The following CDH20 variants were observed in gnomAD, a reference collection of about 807,000 sequenced individuals.
CDH20 encodes cadherin 20.
In CDH20, 29 loss-of-function variants were observed where a neutral mutation model predicts 74.2. The observed-to-expected ratio is 0.39, with a 90% CI of 0.29 to 0.53. The LOEUF (loss-of-function observed/expected upper bound fraction) is 0.53. Ranked by LOEUF, CDH20 falls within the 20% of genes least tolerant of loss-of-function variation. The pLI is 0.69. For synonymous variants in CDH20, 469 were observed against 405.4 expected, an observed-to-expected ratio of 1.16 and a Z score of -1.88; for missense variants, 988 against 1,048.3, an observed-to-expected ratio of 0.94 and a Z score of 0.79.
intron 11 of CDH20, among the ~76,000 whole-genome samples, chr18:61,552,637 G>C (rs947953253): frequency 9.9e-5 from 15 of 152,140 alleles, no homozygotes; most frequent in Non-Finnish European, 2.2e-4. Context: ...CTCTCCCAGT[G>C]ACACTTGTGG....
chr18:61,454,171 T>C (rs1394815794), intron 1 of CDH20, among the ~76,000 whole-genome samples: 1 of 152,192 alleles, frequency 6.6e-6, no homozygotes, highest in Non-Finnish European at 1.5e-5. Context: ...TTTTCCACTG[T>C]TGAGTTTTGA....
chr18:61,351,021 C>T (rs1303272161), intron 1 of CDH20, among the ~76,000 whole-genome samples: 4 of 152,202 alleles, frequency 2.6e-5, no homozygotes, highest in African/African-American at 9.7e-5. Flanking sequence ...ACCTTTTCTT[C>T]ATCAGCAAGC....
intron 1 of CDH20, among the ~76,000 whole-genome samples, chr18:61,468,300 C>A (rs974945270): frequency 1.3e-5 from 2 of 152,126 alleles, no homozygotes; most frequent in African/African-American, 4.8e-5. Context: ...ATTCTCAAAT[C>A]CTTATTTCTC....
chr18:61,554,689 G>C lies in CDH20; in HGVS notation c.2400G>C (p.Leu800=). The C allele has an allele frequency of 6.4e-7, 1 of 1,564,574 alleles. No homozygotes were observed. Among genetic ancestry groups the C allele is most frequent in the Non-Finnish European group, 8.7e-7 (1 of 1,154,370 alleles). ...GGGCGTCGGAGGGACCCGCGCCGCT[G>C]TGGTGACGGAAGCCAGGAGGCAGGC... ...LYGASEGPAP[L]W The change falls in exon 12 of 12, where the codon CTG becomes CTC. Residue 800 remains leucine, a synonymous_variant. Coordinates refer to ENST00000262717, the MANE Select transcript of CDH20 (RefSeq NM_031891.4).
intron 3 of CDH20, among the ~76,000 whole-genome samples, 168 bp from the exon 4 acceptor site, chr18:61,500,215 A>G (rs1410042318): frequency 6.6e-6 from 1 of 151,240 alleles, no homozygotes; most frequent in Non-Finnish European, 1.5e-5. Flanking sequence ...AATAACTCTT[A>G]TCCCTACTAA....
chr18:61,398,104 A>T (rs1912043062), intron 1 of CDH20, among the ~76,000 whole-genome samples: 1 of 152,210 alleles, frequency 6.6e-6, no homozygotes, highest in South Asian at 2.1e-4. Flanking sequence ...GCTTTGTACC[A>T]ACTAACTACA....
At chr18:61,457,955 T>A (rs1909632957) in intron 1 of CDH20, among the ~76,000 whole-genome samples, 1 of 152,196 alleles carries the variant, frequency 6.6e-6, no homozygotes, top group Admixed American at 6.5e-5. Context: ...AATCAACTCC[T>A]TTTATGAGTA....
At chr18:61,533,341 C>T (rs1912714154) in intron 7 of CDH20, among the ~76,000 whole-genome samples, 1 of 152,046 alleles carries the variant, frequency 6.6e-6, no homozygotes, top group South Asian at 2.1e-4. Flanking sequence ...CTTATTTAAG[C>T]CTCAGTTTCC....
At chr18:61,426,705 T>C (rs913270026) in intron 1 of CDH20, among the ~76,000 whole-genome samples, 1 of 152,198 alleles carries the variant, frequency 6.6e-6, no homozygotes, top group Non-Finnish European at 1.5e-5. Flanking sequence ...AGCAGCATAT[T>C]GTGTGATTCA....
At chr18:61,552,476 T>C (rs975031506) in intron 11 of CDH20, among the ~76,000 whole-genome samples, 45 of 152,254 alleles carry the variant, frequency 3.0e-4, no homozygotes, top group African/African-American at 1.0e-3. Flanking sequence ...TAATTCTCCA[T>C]GACCATCAGA....
chr18:61,379,775 T>C (rs1911371312), intron 1 of CDH20, among the ~76,000 whole-genome samples: 1 of 152,208 alleles, frequency 6.6e-6, no homozygotes, highest in Non-Finnish European at 1.5e-5. Flanking sequence ...ATTTGCTGAC[T>C]GATCCAAGAG....
intron 1 of CDH20, among the ~76,000 whole-genome samples, chr18:61,411,116 C>T (rs990797323): frequency 3.3e-5 from 5 of 151,232 alleles, no homozygotes; most frequent in Admixed American, 6.6e-5. Flanking sequence ...AGGAGAATGG[C>T]GTGAACCGGA....
intron 6 of CDH20, among the ~76,000 whole-genome samples, chr18:61,508,749 G>C (rs562169964): frequency 8.5e-4 from 129 of 152,248 alleles, no homozygotes; most frequent in African/African-American, 3.0e-3. Flanking sequence ...CAATTCTCCT[G>C]CTTCAGCCTC....
chr18:61,478,604 G>C (rs1910476857), intron 1 of CDH20, among the ~76,000 whole-genome samples: 1 of 152,156 alleles, frequency 6.6e-6, no homozygotes, highest in Non-Finnish European at 1.5e-5. Flanking sequence ...CCCACATGTT[G>C]TAATTGTTCC....
chr18:61,341,988 A>T (rs1392144299), intron 1 of CDH20, among the ~76,000 whole-genome samples: 1 of 152,190 alleles, frequency 6.6e-6, no homozygotes, highest in Admixed American at 6.5e-5. Flanking sequence ...CTCTTTGAGC[A>T]GTCATTAAAA....
At position 61,479,984 on chromosome 18, in the gene CDH20, A is replaced by C. The variant is rs11872905; in HGVS notation, c.-152-10418A>C. Among the ~76,000 whole-genome samples, 618 of 152,322 alleles carry C rather than the reference A, an allele frequency of 4.1e-3. 5 individuals are homozygous for C. Among genetic ancestry groups the C allele is most frequent in the African/African-American group, 0.014 (579 of 41,580 alleles). Reference sequence around the variant, plus strand: ...TTTCATCATAGACTTCCATGGTGAAAGTCTATCTTGAAAAAGCTGTCACTG... The same window carrying C: ...TTTCATCATAGACTTCCATGGTGAACGTCTATCTTGAAAAAGCTGTCACTG... On this transcript the variant is annotated intron_variant, in intron 1 of 11. Coordinates refer to ENST00000262717, the MANE Select transcript of CDH20 (RefSeq NM_031891.4).
At chr18:61,348,976 G>A (rs1910220856) in intron 1 of CDH20, among the ~76,000 whole-genome samples, 1 of 152,120 alleles carries the variant, frequency 6.6e-6, no homozygotes, top group African/African-American at 2.4e-5. Flanking sequence ...TAGAATCTAG[G>A]CGTTGCTTTG....
intron 1 of CDH20, among the ~76,000 whole-genome samples, chr18:61,453,663 ATT>A (rs1909474046): frequency 6.6e-6 from 1 of 152,156 alleles, no homozygotes; most frequent in African/African-American, 2.4e-5. Flanking sequence ...ATTGCTGAGT[ATT>A]TTCTACTTTG....
In CDH20 at chr18:61,400,458, G is replaced by A. The variant is rs545168367; in HGVS notation, c.-153+66631G>A. Among the ~76,000 whole-genome samples the A allele has an allele frequency of 2.0e-5, 3 of 152,304 alleles. No homozygotes were observed. In the South Asian group the frequency reaches 6.2e-4, roughly 32 times the overall value. ...GGCAAAAGCAGGACTCTCTTCTCTG[G>A]TAATATGTCACATAACTGAGATTAT... On this transcript the variant is annotated intron_variant, in intron 1 of 11. Coordinates refer to ENST00000262717, the MANE Select transcript of CDH20 (RefSeq NM_031891.4).
Sources: gnomAD v4.1 joint callset for allele counts (sites outside exome capture counted in the v4.1 genomes callset) on GRCh38, gnomAD v4.1.1 for gene constraint, MANE v1.5 for transcripts, NCBI Gene and HGNC (gene_info 2026-07-23, HGNC 2026-07-21) for gene names.